The following ITPR1 variants were observed in gnomAD, a reference collection of about 807,000 sequenced individuals.
ITPR1 encodes the protein inositol 1,4,5-trisphosphate receptor type 1, also known as inositol 1,4,5-trisphosphate-gated calcium channel ITPR1.
In ITPR1, 96 loss-of-function variants were observed where a neutral mutation model predicts 318.4. That is an observed-to-expected ratio of 0.30 (90% CI 0.26 to 0.36). The LOEUF (loss-of-function observed/expected upper bound fraction) is 0.36. Among genes scored for constraint, ITPR1 ranks in the 10% least tolerant of loss-of-function variants. The pLI, the probability that ITPR1 is intolerant of heterozygous loss-of-function variation, is 1.00. For missense variants in ITPR1, 2,440 were observed against 3,460.2 expected, an observed-to-expected ratio of 0.71 and a Z score of 7.40; for synonymous variants, 1,312 against 1,289.9, an observed-to-expected ratio of 1.02 and a Z score of -0.37.
At chr3:4,706,406 C>T (rs2094758241) in intron 37 of ITPR1, 55 bp downstream of exon 37, 2 of 1,480,722 alleles carry the variant, frequency 1.4e-6, no homozygotes, top group South Asian at 1.3e-5. Flanking sequence ...GTGATTGCCA[C>T]ACACAGCAGT....
intron 4 of ITPR1, among the ~76,000 whole-genome samples, chr3:4,584,352 G>T (rs1317338489): frequency 2.6e-5 from 4 of 152,094 alleles, no homozygotes; most frequent in Admixed American, 2.6e-4. Context: ...GTTTTAAAGA[G>T]ATGAGAAGAT....
intron 60 of ITPR1, among the ~76,000 whole-genome samples, chr3:4,823,949 G>A (rs78373232): frequency 0.034 from 5,210 of 152,138 alleles, 273 homozygotes; most frequent in East Asian, 0.19. Context: ...AATTCTGCCC[G>A]GTTAACATAA....
chr3:4,543,889 C>T (rs1575476232), intron 4 of ITPR1, among the ~76,000 whole-genome samples: 1 of 152,188 alleles, frequency 6.6e-6, no homozygotes, highest in African/African-American at 2.4e-5. Context: ...AAAATCGTGT[C>T]TTTTTGCTCC....
chr3:4,846,801 T>A lies in ITPR1; in HGVS notation c.*576T>A, dbSNP rs970215837. The stretch of plus-strand genomic sequence containing the variant: ...TGCTGTTTCTCGTTAGTGGCAGTAG[T>A]GCCTCCGTCTCCTAGTGATAATGCT... On this transcript the variant is annotated 3_prime_UTR_variant, in exon 62 of 62. Coordinates refer to ENST00000649015, the MANE Select transcript of ITPR1 (RefSeq NM_001378452.1). 22 of 152,680 alleles carry A rather than the reference T, an allele frequency of 1.4e-4. No homozygotes were observed. The highest frequency in any genetic ancestry group is 5.3e-4 in the African/African-American group (22 of 41,466). The allele number at this position is 152,680 out of a possible 1,614,324, so 9.5% of individuals were successfully genotyped here. A position where few individuals can be genotyped will look rare whatever the true frequency, so the allele number is the denominator to read the frequency against.
At chr3:4,800,687 G>A (rs1160576836) in intron 54 of ITPR1, 87 bp downstream of exon 54, 8 of 1,346,488 alleles carry the variant, frequency 5.9e-6, no homozygotes, top group African/African-American at 1.5e-5. Context: ...CCTGGCCTGT[G>A]CTTTCAGTCC....
chr3:4,762,904 C>T (rs941318657), intron 44 of ITPR1, among the ~76,000 whole-genome samples: 1 of 152,200 alleles, frequency 6.6e-6, no homozygotes, highest in East Asian at 1.9e-4. Flanking sequence ...TTTATTGCAG[C>T]ACTCTTCATA....
chr3:4,758,888 AT>A (rs2045224704), intron 44 of ITPR1, among the ~76,000 whole-genome samples: 1 of 152,220 alleles, frequency 6.6e-6, no homozygotes, highest in African/African-American at 2.4e-5. Context: ...TCAGCATCAC[AT>A]GGAAGCTGGG....
chr3:4,653,897 AC>A lies in ITPR1; in HGVS notation c.996+12del. On this transcript the variant is annotated intron_variant, in intron 12 of 61. Transcript: ENST00000649015. ...GAGTTTCAGCCCTCAGTAAGTATGG[AC>A]AAGAGCCTTCTTGTCTTCATCTGGT... 6.3e-7 allele frequency: 1 copy of A among 1,599,382 alleles called. No individual in the cohort carries two copies. The highest frequency in any genetic ancestry group is 2.2e-5 in the East Asian group (1 of 44,732).
intron 4 of ITPR1, among the ~76,000 whole-genome samples, chr3:4,611,256 A>G (rs1472531930): frequency 1.4e-5 from 2 of 145,246 alleles, no homozygotes; most frequent in East Asian, 2.0e-4. Flanking sequence ...AAAAAAAACT[A>G]TATATGTACA....
At chr3:4,831,237 C>G in intron 60 of ITPR1, 1 of 289,148 alleles carries the variant, frequency 3.5e-6, no homozygotes, top group Non-Finnish European at 7.1e-6. Context: ...ATATCTAAAA[C>G]TTCAGTGTTT....
intron 57 of ITPR1, 40 bp from the exon 58 acceptor site, chr3:4,814,380 TCTC>T (rs1283322564): frequency 6.8e-6 from 11 of 1,610,322 alleles, no homozygotes; most frequent in African/African-American, 1.3e-5. Context: ...GTCTCTCTTT[TCTC>T]CTCACGTTTT....
At chr3:4,539,204 T>C (rs1000166047) in intron 4 of ITPR1, among the ~76,000 whole-genome samples, 2 of 152,222 alleles carry the variant, frequency 1.3e-5, no homozygotes, top group African/African-American at 4.8e-5. Context: ...TAGAAGTATT[T>C]TTATAGTTCT....
intron 2 of ITPR1, 56 bp downstream of exon 2, chr3:4,494,562 T>C (rs1235709753): frequency 1.3e-5 from 2 of 152,206 alleles, no homozygotes; most frequent in Non-Finnish European, 1.5e-5. Context: ...CCTAAGCCTA[T>C]TTTAAGTTCT....
intron 4 of ITPR1, among the ~76,000 whole-genome samples, chr3:4,578,726 T>C (rs775719278): frequency 6.6e-6 from 1 of 152,226 alleles, no homozygotes; most frequent in African/African-American, 2.4e-5. Flanking sequence ...ATTGCCATAC[T>C]GAGTTTCCAA....
At chr3:4,756,842 G>A (rs1354006372) in intron 44 of ITPR1, among the ~76,000 whole-genome samples, 1 of 152,186 alleles carries the variant, frequency 6.6e-6, no homozygotes, top group Non-Finnish European at 1.5e-5. Flanking sequence ...GTAACACCCA[G>A]CTCTTTTCTG....
intron 4 of ITPR1, among the ~76,000 whole-genome samples, chr3:4,553,842 C>T (rs1168065802): frequency 6.6e-6 from 1 of 152,138 alleles, no homozygotes; most frequent in African/African-American, 2.4e-5. Flanking sequence ...CTCAGGTGAT[C>T]CACCTGCCTT....
At chr3:4,612,708 G>A (rs554622583) in intron 4 of ITPR1, among the ~76,000 whole-genome samples, 34 of 152,040 alleles carry the variant, frequency 2.2e-4, no homozygotes, top group African/African-American at 7.2e-4. Context: ...CCAACGTGGC[G>A]AACCCCCGTC....
rs567868993 is a variant in ITPR1, at chr3:4,727,994, CCT to C, written c.5220+822_5220+823del. On this transcript the variant is annotated intron_variant, in intron 42 of 61. Transcript: ENST00000649015. ...TATTCTAGGTATACAACTTTTGTAC[CCT>C]GTTTTGTCATTTAGTACTGGATCTG... Among the ~76,000 whole-genome samples, 7 of 152,236 alleles carry C rather than the reference CCT, an allele frequency of 4.6e-5. No homozygotes were observed. The South Asian group carries it at 1.5e-3, about 32-fold the overall frequency.
At chr3:4,551,168 A>G (rs894617727) in intron 4 of ITPR1, among the ~76,000 whole-genome samples, 4 of 152,218 alleles carry the variant, frequency 2.6e-5, no homozygotes, top group Non-Finnish European at 5.9e-5. Flanking sequence ...GCTTCAGGGA[A>G]GTGCCTTTTC....
Sources: allele counts gnomAD v4.1 joint callset (sites outside exome capture counted in the v4.1 genomes callset), GRCh38; gene constraint gnomAD v4.1.1; transcripts MANE v1.5; gene names NCBI Gene and HGNC (gene_info 2026-07-23, HGNC 2026-07-21).